ROBO1: variants seen among roughly 807,000 people sequenced by gnomAD.
The protein encoded by ROBO1 is roundabout guidance receptor 1, also known as roundabout homolog 1.
ROBO1 carries 149 observed loss-of-function variants against 195.9 expected under a neutral mutation model. The ratio of observed to expected loss-of-function variants is 0.76; its 90% CI spans 0.67 to 0.87. The LOEUF is 0.87. Ranked by LOEUF, ROBO1 falls within the 40% of genes least tolerant of loss-of-function variation. ROBO1 has a pLI of 0.00. For synonymous variants in ROBO1, 816 were observed against 733.2 expected, an observed-to-expected ratio of 1.11 and a Z score of -1.82; for missense variants, 1,933 against 2,068.3, an observed-to-expected ratio of 0.93 and a Z score of 1.27.
At chr3:78,813,556 C>G (rs1443622436) in intron 4 of ROBO1, among the ~76,000 whole-genome samples, 1 of 152,046 alleles carries the variant, frequency 6.6e-6, no homozygotes, top group Non-Finnish European at 1.5e-5. Flanking sequence ...ACTTAGAATT[C>G]TCAGAATCGT....
chr3:79,532,062 T>C (rs1225299420), intron 2 of ROBO1, among the ~76,000 whole-genome samples: 1 of 152,128 alleles, frequency 6.6e-6, no homozygotes, highest in African/African-American at 2.4e-5. Context: ...AGGTAAATGG[T>C]ATGTAAAGAG....
intron 8 of ROBO1, among the ~76,000 whole-genome samples, chr3:78,690,731 G>T (rs2081153968): frequency 1.3e-5 from 2 of 152,092 alleles, no homozygotes; most frequent in South Asian, 4.1e-4. Flanking sequence ...TTAATTAGAT[G>T]AGTGGGAGAA....
At chr3:79,142,868 A>G (rs991781091) in intron 2 of ROBO1, among the ~76,000 whole-genome samples, 1 of 152,116 alleles carries the variant, frequency 6.6e-6, no homozygotes, top group Non-Finnish European at 1.5e-5. Flanking sequence ...CTATGTATGA[A>G]CATTTTAAGG....
At chr3:78,600,369 G>T in intron 29 of ROBO1, 60 bp from the exon 30 acceptor site, 1 of 1,061,904 alleles carries the variant, frequency 9.4e-7, no homozygotes, top group Non-Finnish European at 1.4e-6. Context: ...ACTGTATATT[G>T]TATCACTCCT....
At chr3:78,665,914 T>A (rs566715696) in intron 14 of ROBO1, among the ~76,000 whole-genome samples, 27 of 152,128 alleles carry the variant, frequency 1.8e-4, no homozygotes, top group Non-Finnish European at 2.5e-4. Context: ...CTTAGAGTGA[T>A]GTGGTTTGGC....
intron 4 of ROBO1, among the ~76,000 whole-genome samples, chr3:78,883,244 T>TAAAAAA (rs34278886): frequency 6.8e-6 from 1 of 147,680 alleles, no homozygotes. Context: ...TTTCTGTTGG[T>TAAAAAA]AAAAAAAAAA....
intron 2 of ROBO1, among the ~76,000 whole-genome samples, chr3:79,267,198 TCTG>T (rs1458909162): frequency 6.6e-6 from 1 of 151,554 alleles, no homozygotes; most frequent in Non-Finnish European, 1.5e-5. Context: ...TCCATAGGAC[TCTG>T]CTGTTCTAAA....
chr3:79,603,672 G>A (rs1355364451), intron 1 of ROBO1, among the ~76,000 whole-genome samples: 1 of 151,992 alleles, frequency 6.6e-6, no homozygotes, highest in Non-Finnish European at 1.5e-5. Context: ...ACCTGTCTGT[G>A]CTTTGAGTAA....
At chr3:79,080,170 A>G (rs1335824464) in intron 3 of ROBO1, among the ~76,000 whole-genome samples, 1 of 151,898 alleles carries the variant, frequency 6.6e-6, no homozygotes, top group South Asian at 2.1e-4. Flanking sequence ...TATACATATT[A>G]TTTAAACCAT....
intron 1 of ROBO1, among the ~76,000 whole-genome samples, chr3:79,627,730 A>T (rs1422959076): frequency 6.6e-6 from 1 of 152,236 alleles, no homozygotes; most frequent in Non-Finnish European, 1.5e-5. Context: ...AGAATAGGAG[A>T]AAATTTTTGC....
intron 5 of ROBO1, among the ~76,000 whole-genome samples, chr3:78,738,048 T>A (rs2082433400): frequency 6.6e-6 from 1 of 151,996 alleles, no homozygotes; most frequent in African/African-American, 2.4e-5. Flanking sequence ...CAAAAGACAT[T>A]GAACAATGAA....
intron 3 of ROBO1, among the ~76,000 whole-genome samples, chr3:78,953,119 T>C (rs1415730804): frequency 1.3e-5 from 2 of 152,114 alleles, no homozygotes; most frequent in South Asian, 2.1e-4. Context: ...CCATTGTTAA[T>C]AATACATAGA....
intron 2 of ROBO1, among the ~76,000 whole-genome samples, chr3:79,301,261 A>G (rs2032939346): frequency 6.6e-6 from 1 of 152,180 alleles, no homozygotes; most frequent in Non-Finnish European, 1.5e-5. Context: ...AACAAACTCC[A>G]GAGCGCCACC....
chr3:79,629,030 T>A (rs903712742), intron 1 of ROBO1, among the ~76,000 whole-genome samples: 1 of 152,070 alleles, frequency 6.6e-6, no homozygotes, highest in Admixed American at 6.6e-5. Flanking sequence ...AAAAGAGATA[T>A]ATGGCAATAT....
chr3:78,646,724 T>C (rs998484687), intron 20 of ROBO1, among the ~76,000 whole-genome samples: 1 of 151,926 alleles, frequency 6.6e-6, no homozygotes, highest in Admixed American at 6.6e-5. Context: ...TGACTATTAA[T>C]TCATGTGACC....
chr3:78,823,748 C>A (rs1054471358), intron 4 of ROBO1, among the ~76,000 whole-genome samples: 1 of 152,158 alleles, frequency 6.6e-6, no homozygotes, highest in African/African-American at 2.4e-5. Context: ...TCCATACTTA[C>A]CCTTTTTGTT....
chr3:78,726,439 T>A (rs1373762529), intron 5 of ROBO1, among the ~76,000 whole-genome samples: 1 of 152,180 alleles, frequency 6.6e-6, no homozygotes, highest in African/African-American at 2.4e-5. Context: ...ACATGAAGAA[T>A]GAAGTTGTCT....
chr3:79,279,571 CA>C (rs923335068), intron 2 of ROBO1, among the ~76,000 whole-genome samples: 3 of 152,016 alleles, frequency 2.0e-5, no homozygotes, highest in African/African-American at 7.2e-5. Flanking sequence ...CCTACAAATA[CA>C]AGTACCATGT....
chr3:78,741,640 G>C (rs1312808586), intron 5 of ROBO1, among the ~76,000 whole-genome samples: 1 of 151,868 alleles, frequency 6.6e-6, no homozygotes, highest in African/African-American at 2.4e-5. Flanking sequence ...TTTAAAAATC[G>C]CTCTTTGTGA....
Sources: gnomAD v4.1 joint callset for allele counts (sites outside exome capture counted in the v4.1 genomes callset) on GRCh38, gnomAD v4.1.1 for gene constraint, MANE v1.5 for transcripts, NCBI Gene and HGNC (gene_info 2026-07-23, HGNC 2026-07-21) for gene names.